The following GPBP1 variants were observed in gnomAD, a reference collection of about 807,000 sequenced individuals.
GPBP1 encodes the protein vasculin.
In GPBP1, 13 loss-of-function variants were observed where a neutral mutation model predicts 56.5. The observed-to-expected ratio is 0.23, with a 90% CI of 0.15 to 0.37. GPBP1 has a LOEUF of 0.37. Ranked by LOEUF, GPBP1 falls within the 10% of genes least tolerant of loss-of-function variation. The pLI is 1.00. For missense variants in GPBP1, 477 were observed against 572.3 expected (o/e 0.83, Z 1.70); for synonymous variants, 204 against 188.9 (o/e 1.08, Z -0.66).
Position 57,217,295 on chromosome 5 carries a change from G to A in GPBP1, c.63+3102G>A, listed in dbSNP as rs976805690. 5.3e-5 allele frequency among the ~76,000 whole-genome samples: 8 copies of A among 152,026 alleles called. No homozygotes were observed. The South Asian group carries it at 1.7e-3, about 32-fold the overall frequency. ...TGTAAACATAAAACAACTACTGCCT[G>A]GGTGCGGTGGCTCACGCCTATAATC... On this transcript the variant is annotated intron_variant, in intron 3 of 11. Transcript: ENST00000506184.
At chr5:57,262,552 C>G in intron 11 of GPBP1, 42 bp from the exon 12 acceptor site, 1 of 1,448,322 alleles carries the variant, frequency 6.9e-7, no homozygotes, top group Non-Finnish European at 9.7e-7. Context: ...AGGTTTGTAA[C>G]TCTTGAGGGA....
At chr5:57,210,426 TA>T (rs897959341) in intron 2 of GPBP1, among the ~76,000 whole-genome samples, 6 of 152,112 alleles carry the variant, frequency 3.9e-5, no homozygotes, top group African/African-American at 9.7e-5. Flanking sequence ...GTAGATTTCT[TA>T]AAAAAAATTT....
intron 6 of GPBP1, among the ~76,000 whole-genome samples, chr5:57,240,058 C>G (rs1418776160): frequency 6.6e-6 from 1 of 151,912 alleles, no homozygotes; most frequent in Non-Finnish European, 1.5e-5. Context: ...GCCAGGAGCT[C>G]TCATAGGGAG....
At chr5:57,178,852 CTT>C (rs1176870855) in intron 2 of GPBP1, among the ~76,000 whole-genome samples, 1 of 152,128 alleles carries the variant, frequency 6.6e-6, no homozygotes, top group African/African-American at 2.4e-5. Flanking sequence ...CTTTTCTACT[CTT>C]TATATTTTGC....
chr5:57,262,504 A>T, intron 11 of GPBP1, 90 bp from the exon 12 acceptor site: 4 of 1,021,734 alleles, frequency 3.9e-6, no homozygotes. Flanking sequence ...TTGGGTTAGG[A>T]TACAATTTTA....
chr5:57,180,627 G>C (rs1398195052), intron 2 of GPBP1, among the ~76,000 whole-genome samples: 1 of 152,154 alleles, frequency 6.6e-6, no homozygotes, highest in Non-Finnish European at 1.5e-5. Flanking sequence ...AAAAATGCCT[G>C]TGTGACTGTA....
At chr5:57,211,079 A>G (rs1039237890) in intron 2 of GPBP1, among the ~76,000 whole-genome samples, 6 of 152,224 alleles carry the variant, frequency 3.9e-5, no homozygotes, top group African/African-American at 1.4e-4. Context: ...AATGCAGTTA[A>G]GATGAGTGGT....
intron 3 of GPBP1, among the ~76,000 whole-genome samples, chr5:57,229,943 G>GTCCCGTCCCGTCCCA (rs1301549660): frequency 2.0e-3 from 270 of 137,630 alleles, no homozygotes; most frequent in Non-Finnish European, 2.7e-3. Context: ...ATCGCATCGC[G>GTCCCGTCCCGTCCCA]TCCCGTCCCG....
chr5:57,190,695 T>C (rs1754482818), intron 2 of GPBP1, among the ~76,000 whole-genome samples: 1 of 54,054 alleles, frequency 1.8e-5, no homozygotes, highest in Non-Finnish European at 3.5e-5. Flanking sequence ...TGCTGTTAGC[T>C]TTTTTTTTTT....
chr5:57,185,928 C>T (rs1340924808), intron 2 of GPBP1, among the ~76,000 whole-genome samples: 1 of 151,608 alleles, frequency 6.6e-6, no homozygotes, highest in Non-Finnish European at 1.5e-5. Context: ...AGGTTGCAGC[C>T]TGGACGATGA....
At position 57,175,764 on chromosome 5, in the gene GPBP1, T is replaced by G. The variant is rs1047058395; in HGVS notation, c.-694T>G. ...GTTGTTGGGGTTCTTCAGCCGAAACTGAGAGACGTTGATTTGTGTACTGAG... is the reference window on the plus strand; with the variant it reads ...GTTGTTGGGGTTCTTCAGCCGAAACGGAGAGACGTTGATTTGTGTACTGAG... On this transcript the variant is annotated 5_prime_UTR_variant, in exon 2 of 12. Transcript: ENST00000506184. The G allele has an allele frequency of 2.5e-6, 1 of 396,550 alleles. No individual in the cohort carries two copies. The highest frequency in any genetic ancestry group is 2.1e-5 in the African/African-American group (1 of 48,616). The allele number at this position is 396,550 out of a possible 1,614,324, so 24.6% of individuals were successfully genotyped here.
At chr5:57,175,122 C>A (rs764195009) in intron 1 of GPBP1, among the ~76,000 whole-genome samples, 1 of 152,220 alleles carries the variant, frequency 6.6e-6, no homozygotes, top group Non-Finnish European at 1.5e-5. Context: ...GTGTCAATTT[C>A]ATAGTTTTAA....
At chr5:57,225,971 A>C (rs1361970990) in intron 3 of GPBP1, among the ~76,000 whole-genome samples, 1 of 152,220 alleles carries the variant, frequency 6.6e-6, no homozygotes. Flanking sequence ...AGTTAACGAC[A>C]TGTGTAGCAA....
chr5:57,185,376 C>G (rs1028900010), intron 2 of GPBP1, among the ~76,000 whole-genome samples: 1 of 151,588 alleles, frequency 6.6e-6, no homozygotes, highest in African/African-American at 2.4e-5. Flanking sequence ...ATTCTCCTGT[C>G]TCAGCGTCTG....
intron 3 of GPBP1, among the ~76,000 whole-genome samples, chr5:57,219,538 C>A (rs538498998): frequency 1.3e-5 from 2 of 151,726 alleles, no homozygotes; most frequent in African/African-American, 2.4e-5. Flanking sequence ...GAAATCAATT[C>A]TTGTTATTGA....
At chr5:57,241,884 G>C (rs959162889) in intron 6 of GPBP1, among the ~76,000 whole-genome samples, 1 of 152,140 alleles carries the variant, frequency 6.6e-6, no homozygotes, top group African/African-American at 2.4e-5. Context: ...GACTCTAAGA[G>C]CTTAAATACT....
intron 3 of GPBP1, among the ~76,000 whole-genome samples, chr5:57,220,016 A>G (rs1281597741): frequency 6.6e-6 from 1 of 151,256 alleles, no homozygotes; most frequent in Non-Finnish European, 1.5e-5. Flanking sequence ...GTGTCATTGC[A>G]CTTCAGCCTG....
At chr5:57,244,620 T>A (rs1400143338) in intron 6 of GPBP1, among the ~76,000 whole-genome samples, 1 of 152,040 alleles carries the variant, frequency 6.6e-6, no homozygotes, top group Non-Finnish European at 1.5e-5. Context: ...ATGTCAAGAA[T>A]TTTTTTTATA....
At chr5:57,196,006 A>ATTTTT (rs1182189437) in intron 2 of GPBP1, among the ~76,000 whole-genome samples, 1 of 66,990 alleles carries the variant, frequency 1.5e-5, no homozygotes. Context: ...AAAAAAAAAA[A>ATTTTT]TTTTTTTTTT....
Sources: gnomAD v4.1 joint callset for allele counts (sites outside exome capture counted in the v4.1 genomes callset) on GRCh38, gnomAD v4.1.1 for gene constraint, MANE v1.5 for transcripts, NCBI Gene and HGNC (gene_info 2026-07-23, HGNC 2026-07-21) for gene names.